The following RFXAP variants were observed in gnomAD, a reference collection of about 807,000 sequenced individuals.
RFXAP encodes regulatory factor X-associated protein.
In RFXAP, 21 loss-of-function variants were observed where a neutral mutation model predicts 25.7. That is an observed-to-expected ratio of 0.82 (90% CI 0.58 to 1.18). RFXAP has a LOEUF of 1.18. Ranked by LOEUF, RFXAP falls within the 50% of genes most tolerant of loss-of-function variation. The probability of loss-of-function intolerance (pLI) is 0.00; values close to 1 mark genes in which losing one functional copy is unlikely to be tolerated. For synonymous variants in RFXAP, 161 were observed against 152.2 expected, an observed-to-expected ratio of 1.06 and a Z score of -0.43; for missense variants, 333 against 363.0, an observed-to-expected ratio of 0.92 and a Z score of 0.67.
At chr13:36,823,463 A>G (rs2057969290) in intron 1 of RFXAP, among the ~76,000 whole-genome samples, 1 of 152,166 alleles carries the variant, frequency 6.6e-6, no homozygotes, top group Non-Finnish European at 1.5e-5. Context: ...TGGAGTCTTT[A>G]AATGAAATGA....
intron 1 of RFXAP, among the ~76,000 whole-genome samples, chr13:36,821,237 A>AAAAT (rs1431041735): frequency 1.4e-5 from 2 of 139,786 alleles, no homozygotes; most frequent in African/African-American, 5.3e-5. Flanking sequence ...AAAAAAAAAA[A>AAAAT]AAAAATTTTT....
intron 1 of RFXAP, among the ~76,000 whole-genome samples, chr13:36,821,289 G>A (rs1335550964): frequency 6.7e-6 from 1 of 149,046 alleles, no homozygotes; most frequent in African/African-American, 2.5e-5. Context: ...TGTATTCTAA[G>A]TCTTTAAATT....
At chr13:36,826,615 GT>G (rs2057978780) in intron 2 of RFXAP, among the ~76,000 whole-genome samples, 1 of 152,112 alleles carries the variant, frequency 6.6e-6, no homozygotes, top group South Asian at 2.1e-4. Flanking sequence ...AAACATAAAG[GT>G]ATTGCCAGGA....
chr13:36,826,555 T>C (rs1480023724), intron 2 of RFXAP, among the ~76,000 whole-genome samples: 1 of 152,166 alleles, frequency 6.6e-6, no homozygotes, highest in Non-Finnish European at 1.5e-5. Flanking sequence ...AGACATCACA[T>C]TTAATATGAA....
At chr13:36,827,149 T>C (rs7984398) in intron 2 of RFXAP, among the ~76,000 whole-genome samples, 98,504 of 152,058 alleles carry the variant, frequency 0.65, 33,794 homozygotes, top group Non-Finnish European at 0.76. Flanking sequence ...TATATATATA[T>C]ACACACCTAT....
chr13:36,821,653 CTT>C (rs1171698743), intron 1 of RFXAP, among the ~76,000 whole-genome samples: 1 of 152,152 alleles, frequency 6.6e-6, no homozygotes, highest in African/African-American at 2.4e-5. Flanking sequence ...CAGAGCAAGA[CTT>C]TGTCTCAAAA....
At chr13:36,824,448 A>G (rs562904048) in intron 1 of RFXAP, among the ~76,000 whole-genome samples, 1 of 152,198 alleles carries the variant, frequency 6.6e-6, no homozygotes, top group African/African-American at 2.4e-5. Flanking sequence ...ATATTCTCAT[A>G]GATAACTCAG....
Position 36,825,428 on chromosome 13 carries a change from GA to G in RFXAP, c.604del (p.Ser202ValfsTer26). On this transcript the variant is annotated frameshift_variant and splice_region_variant, in exon 2 of 3. Transcript: ENST00000255476. LOFTEE classifies it high-confidence loss of function. Reference sequence around the variant, plus strand: ...TTTGCATTTTTATCATTTATCCCAGGAAAGTGCAGATAACATACTCTCCATT... The same window carrying G: ...TTTGCATTTTTATCATTTATCCCAGGAAGTGCAGATAACATACTCTCCATT... The part of the protein sequence containing the change: ...TGSAGNVKLE[E>X]SADNILSIVK... The G allele has an allele frequency of 6.2e-7, 1 of 1,606,906 alleles. No homozygotes were observed. The highest frequency in any genetic ancestry group is 8.5e-7 in the Non-Finnish European group (1 of 1,174,390).
intron 1 of RFXAP, among the ~76,000 whole-genome samples, chr13:36,821,145 G>C (rs2057960480): frequency 6.8e-6 from 1 of 146,628 alleles, no homozygotes; most frequent in South Asian, 2.1e-4. Context: ...CCAGGGGTTC[G>C]AGGCTGCCGT....
At chr13:36,823,291 A>C (rs1236629768) in intron 1 of RFXAP, among the ~76,000 whole-genome samples, 4 of 152,264 alleles carry the variant, frequency 2.6e-5, no homozygotes, top group African/African-American at 9.6e-5. Context: ...ACATTTTAGT[A>C]AAGAAAGAGA....
intron 1 of RFXAP, among the ~76,000 whole-genome samples, chr13:36,820,821 CTG>C (rs2057959536): frequency 6.6e-6 from 1 of 152,096 alleles, no homozygotes; most frequent in Non-Finnish European, 1.5e-5. Context: ...TTATTAAACT[CTG>C]TAAAATGGGC....
At chr13:36,823,034 G>A (rs191659806) in intron 1 of RFXAP, among the ~76,000 whole-genome samples, 1 of 152,296 alleles carries the variant, frequency 6.6e-6, no homozygotes, top group East Asian at 1.9e-4. Flanking sequence ...TTAATGAGCT[G>A]AGTTTCTTAT....
In RFXAP at chr13:36,819,405, C is replaced by T; in HGVS notation, c.48C>T (p.Ser16=). 3.1e-6 allele frequency: 4 copies of T among 1,307,722 alleles called. No homozygotes were observed. Among genetic ancestry groups the T allele is most frequent in the Non-Finnish European group, 3.9e-6 (4 of 1,034,380 alleles). The allele number at this position is 1,307,722 out of a possible 1,614,324, so 81.0% of individuals were successfully genotyped here. Residue 16 remains serine, a synonymous_variant, in exon 1 of 3, where the codon AGC becomes AGT. Coordinates refer to ENST00000255476, the MANE Select transcript of RFXAP (RefSeq NM_000538.4). Reference sequence around the variant, plus strand: ...AGGGCGCGGGGCCGGGCGCCGCCAGCGGCGTGCCCCACCCCGCGGCCCTAG... The same window carrying T: ...AGGGCGCGGGGCCGGGCGCCGCCAGTGGCGTGCCCCACCCCGCGGCCCTAG... The part of the protein sequence containing the change: ...VAEGAGPGAA[S]GVPHPAALAP...
At position 36,825,533 on chromosome 13, in the gene RFXAP, C is replaced by T; in HGVS notation, c.706C>T (p.Leu236=). 1 of 1,590,532 alleles carries T rather than the reference C, an allele frequency of 6.3e-7. No individual in the cohort carries two copies. Residue 236 remains leucine (L), a splice_region_variant and synonymous_variant, in exon 2 of 3, where the codon CTG becomes TTG. Coordinates refer to ENST00000255476, the MANE Select transcript of RFXAP (RefSeq NM_000538.4). ...LLEQVLNQKR[L]SLLRSPEVVQ... ...AGAACAAGTGTTAAATCAAAAAAGA[C>T]TGGTAAATATCTGTTTGTAAATCAG... is the stretch of plus-strand genomic sequence containing the variant.
rs1227387067 is a variant in RFXAP, at chr13:36,819,710, C to T, written c.353C>T (p.Ser118Leu). 1.9e-6 allele frequency: 3 copies of T among 1,549,622 alleles called. No individual in the cohort carries two copies. Among genetic ancestry groups the T allele is most frequent in the African/African-American group, 2.7e-5 (2 of 72,786 alleles). ...GATCTAGAGGACGAGGAGACTCACT[C>T]GGGGGGCGAGGGCAGCAGCGGGGGC... The part of the protein sequence containing the change: ...LEDLEDEETH[S>L]GGEGSSGGAR... Residue 118 changes from serine to leucine, a missense_variant, in exon 1 of 3, where the codon TCG becomes TTG. Physicochemically the swap from Ser to Leu is moderately radical, Grantham distance 145. Coordinates refer to ENST00000255476, the MANE Select transcript of RFXAP (RefSeq NM_000538.4).
chr13:36,821,504 A>T (rs1333347651), intron 1 of RFXAP, among the ~76,000 whole-genome samples: 2 of 151,998 alleles, frequency 1.3e-5, no homozygotes, highest in Non-Finnish European at 2.9e-5. Flanking sequence ...CAACAAAAAA[A>T]TTTTAAAAAT....
intron 1 of RFXAP, among the ~76,000 whole-genome samples, chr13:36,820,931 AC>A (rs2057959915): frequency 6.6e-6 from 1 of 152,104 alleles, no homozygotes; most frequent in Admixed American, 6.5e-5. Flanking sequence ...AAGTTTGCAA[AC>A]CTTACCCATT....
rs1409045927 is a variant in RFXAP at position 36,819,926 on chromosome 13, C to T, written c.569C>T (p.Ser190Leu). 1 of 1,613,660 alleles carries T rather than the reference C, an allele frequency of 6.2e-7. No individual in the cohort carries two copies. The highest frequency in any genetic ancestry group is 8.5e-7 in the Non-Finnish European group (1 of 1,179,912). The change falls in exon 1 of 3, where the codon TCG becomes TTG. Residue 190 changes from serine (S) to leucine (L), a missense_variant. Ser to Leu is a moderately radical substitution (Grantham distance 145, BLOSUM62 -2). Coordinates refer to ENST00000255476, the MANE Select transcript of RFXAP (RefSeq NM_000538.4). ...GCCCTGAACTGCGGTGGGACTGCCT[C>T]GACTGGCAGCGCGGGAAACGTCAAA... ...DQALNCGGTA[S>L]TGSAGNVKLE...
At chr13:36,827,275 C>A (rs978138074) in intron 2 of RFXAP, among the ~76,000 whole-genome samples, 1 of 151,982 alleles carries the variant, frequency 6.6e-6, no homozygotes, top group African/African-American at 2.4e-5. Flanking sequence ...TCACATGTGG[C>A]CCCCTTTCAT....
Sources: gnomAD v4.1 joint callset for allele counts (sites outside exome capture counted in the v4.1 genomes callset) on GRCh38, gnomAD v4.1.1 for gene constraint, MANE v1.5 for transcripts, NCBI Gene and HGNC (gene_info 2026-07-23, HGNC 2026-07-21) for gene names.